Variants in FAM184B observed in about 807,000 individuals in gnomAD.
FAM184B encodes the protein family with sequence similarity 184 member B, also known as protein FAM184B.
FAM184B carries 111 observed loss-of-function variants against 135.9 expected under a neutral mutation model. That is an observed-to-expected ratio of 0.82 (90% CI 0.70 to 0.96). FAM184B has a LOEUF of 0.96. Among genes scored for constraint, FAM184B ranks in the 40% least tolerant of loss-of-function variants. The pLI is 0.00. For missense variants in FAM184B, 1,375 were observed against 1,323.9 expected (o/e 1.04, Z -0.60); for synonymous variants, 552 against 524.8 (o/e 1.05, Z -0.71).
At chr4:17,635,675 T>TA (rs5856436) in intron 15 of FAM184B, among the ~76,000 whole-genome samples, 79,904 of 147,748 alleles carry the variant, frequency 0.54, 22,563 homozygotes, top group East Asian at 0.83. Context: ...AGGATTACTT[T>TA]AAAAAAAAAA....
At chr4:17,670,926 C>T (rs1716156807) in intron 7 of FAM184B, among the ~76,000 whole-genome samples, 1 of 152,150 alleles carries the variant, frequency 6.6e-6, no homozygotes, top group Non-Finnish European at 1.5e-5. Context: ...GAGTTCAAAC[C>T]ATGTTGTGCA....
chr4:17,727,184 G>T (rs1019508960), intron 1 of FAM184B, among the ~76,000 whole-genome samples: 2 of 152,150 alleles, frequency 1.3e-5, no homozygotes, highest in Non-Finnish European at 2.9e-5. Context: ...CAGAACAAAA[G>T]ATTAAGACTC....
chr4:17,742,986 A>G (rs1718078614), intron 1 of FAM184B, among the ~76,000 whole-genome samples: 1 of 152,218 alleles, frequency 6.6e-6, no homozygotes, highest in African/African-American at 2.4e-5. Context: ...GGAGCCCCAC[A>G]GAGCTTGCTC....
chr4:17,639,386 C>T lies in FAM184B; in HGVS notation c.2530G>A (p.Glu844Lys), dbSNP rs200345030. Residue 844 changes from glutamate (E) to lysine (K), a missense_variant, in exon 14 of 18, where the codon GAG becomes AAG. Glu to Lys is a moderately conservative substitution (Grantham distance 56, BLOSUM62 1). Coordinates refer to ENST00000265018, the MANE Select transcript of FAM184B (RefSeq NM_015688.2). Reference protein sequence around the residue: ...KLRDQRRFLEETQQAQRAREV... With the variant: ...KLRDQRRFLEKTQQAQRAREV... ...CTGGCCCGCTGGGCTTGCTGAGTCTCCTCCAGGAACCTGTGGTGGATGAAA... is the reference window on the plus strand; with the variant it reads ...CTGGCCCGCTGGGCTTGCTGAGTCTTCTCCAGGAACCTGTGGTGGATGAAA... 968 of 1,551,626 alleles carry T rather than the reference C, an allele frequency of 6.2e-4. 7 individuals carry two copies. The highest frequency in any genetic ancestry group is 1.9e-4 in the South Asian group (16 of 84,062).
chr4:17,645,809 A>G (rs1018776511), intron 12 of FAM184B, among the ~76,000 whole-genome samples: 2 of 152,128 alleles, frequency 1.3e-5, no homozygotes, highest in African/African-American at 2.4e-5. Flanking sequence ...AATGGGAGAA[A>G]ATTTTTGCAA....
chr4:17,701,398 T>A (rs901010063), intron 5 of FAM184B, among the ~76,000 whole-genome samples: 2 of 152,234 alleles, frequency 1.3e-5, no homozygotes, highest in Admixed American at 6.5e-5. Context: ...GTTACTTAAT[T>A]TCCCAAGTTC....
intron 5 of FAM184B, among the ~76,000 whole-genome samples, chr4:17,700,880 T>C (rs1716967872): frequency 6.6e-6 from 1 of 152,054 alleles, no homozygotes; most frequent in Non-Finnish European, 1.5e-5. Flanking sequence ...AATATACTTC[T>C]AAATAACCAG....
At chr4:17,718,009 A>T (rs1160037632) in intron 1 of FAM184B, among the ~76,000 whole-genome samples, 9 of 152,186 alleles carry the variant, frequency 5.9e-5, no homozygotes, top group African/African-American at 2.2e-4. Context: ...TATTTTACAG[A>T]TGGGGCTAAC....
chr4:17,725,165 A>G (rs1223046426), intron 1 of FAM184B, among the ~76,000 whole-genome samples: 11 of 152,148 alleles, frequency 7.2e-5, no homozygotes, highest in Non-Finnish European at 4.4e-5. Context: ...CCTCAGGGAC[A>G]GGAACTAGTA....
chr4:17,748,207 C>T (rs1458237084), intron 1 of FAM184B, among the ~76,000 whole-genome samples: 1 of 151,780 alleles, frequency 6.6e-6, no homozygotes, highest in Non-Finnish European at 1.5e-5. Context: ...ACCGGAACCT[C>T]TCTGTGACAC....
chr4:17,724,566 C>A (rs1717600421), intron 1 of FAM184B, among the ~76,000 whole-genome samples: 1 of 152,144 alleles, frequency 6.6e-6, no homozygotes, highest in African/African-American at 2.4e-5. Flanking sequence ...TCTCTTCCAC[C>A]AAGAAACTTG....
At chr4:17,707,498 G>A in intron 3 of FAM184B, 151 bp downstream of exon 3, 1 of 925,388 alleles carries the variant, frequency 1.1e-6, no homozygotes, top group Non-Finnish European at 1.6e-6. Flanking sequence ...CCTGTACCCT[G>A]CAGGGATTGG....
At chr4:17,733,860 C>G (rs903752260) in intron 1 of FAM184B, among the ~76,000 whole-genome samples, 1 of 152,074 alleles carries the variant, frequency 6.6e-6, no homozygotes, top group African/African-American at 2.4e-5. Context: ...AAAAAGAGCC[C>G]GCATTGCCAA....
At chr4:17,766,987 C>T (rs981283853) in intron 1 of FAM184B, among the ~76,000 whole-genome samples, 7 of 152,326 alleles carry the variant, frequency 4.6e-5, no homozygotes, top group South Asian at 4.1e-4. Flanking sequence ...AGAATTCCAG[C>T]GCAGCGCCAG....
rs1408686247 is a variant in FAM184B, at chr4:17,781,235, C to T, written c.65G>A (p.Gly22Asp). 1 of 1,551,044 alleles carries T rather than the reference C, an allele frequency of 6.4e-7. No homozygotes were observed. Among genetic ancestry groups the T allele is most frequent in the Non-Finnish European group, 8.7e-7 (1 of 1,146,696 alleles). Residue 22 changes from glycine to aspartate, a missense_variant, in exon 1 of 18, where the codon GGT (glycine) becomes GAT (aspartate). By Grantham distance (94) the Gly-to-Asp change is moderately conservative. Transcript: ENST00000265018. This position sits in a 1 kb window ranked among gnomAD's most constrained non-coding sequence, Gnocchi z 6.5. ...PGTCQGSKAD[G>D]GAGWRMDCDP... ...ACAGTCCATTCTCCAGCCGGCGCCA[C>T]CGTCGGCTTTGGAGCCCTGGCAAGT...
chr4:17,676,502 A>G (rs1377325926), intron 7 of FAM184B, among the ~76,000 whole-genome samples: 1 of 152,234 alleles, frequency 6.6e-6, no homozygotes, highest in Non-Finnish European at 1.5e-5. Context: ...AGGTACACAT[A>G]TTTTTATAGA....
chr4:17,705,328 G>A (rs1473876409), intron 4 of FAM184B, 122 bp from the exon 5 acceptor site: 3 of 749,858 alleles, frequency 4.0e-6, no homozygotes, highest in South Asian at 3.8e-5. Context: ...TGTAGCACAA[G>A]GTGCAATCAA....
At chr4:17,725,058 A>C (rs1319356438) in intron 1 of FAM184B, among the ~76,000 whole-genome samples, 3 of 152,166 alleles carry the variant, frequency 2.0e-5, no homozygotes, top group African/African-American at 7.2e-5. Context: ...TCACCGCTGC[A>C]GAGCCTGCTG....
chr4:17,752,215 C>T (rs925893797), intron 1 of FAM184B, among the ~76,000 whole-genome samples: 1 of 152,112 alleles, frequency 6.6e-6, no homozygotes, highest in Non-Finnish European at 1.5e-5. Flanking sequence ...GAGGAAAGTA[C>T]TTTCATACAA....
Sources: allele counts gnomAD v4.1 joint callset (sites outside exome capture counted in the v4.1 genomes callset), GRCh38; gene constraint gnomAD v4.1.1; non-coding constraint Gnocchi (gnomAD v3.1); transcripts MANE v1.5; gene names NCBI Gene and HGNC (gene_info 2026-07-23, HGNC 2026-07-21).